CAST: variants seen among roughly 807,000 people sequenced by gnomAD.
The protein encoded by CAST is MIR583 host.
A neutral mutation model predicts 119.6 loss-of-function variants in CAST; 76 were observed. The ratio of observed to expected loss-of-function variants is 0.64; its 90% CI spans 0.53 to 0.77. CAST has a LOEUF of 0.77. Among genes scored for constraint, CAST ranks in the 30% least tolerant of loss-of-function variants. CAST has a pLI of 0.00. For synonymous variants in CAST, 319 were observed against 331.6 expected (o/e 0.96, Z 0.41); for missense variants, 953 against 946.5 (o/e 1.01, Z -0.09).
At chr5:96,634,471 C>T (rs1747860918) in intron 1 of CAST, among the ~76,000 whole-genome samples, 1 of 152,192 alleles carries the variant, frequency 6.6e-6, no homozygotes, top group Non-Finnish European at 1.5e-5. Flanking sequence ...TCTTTCTACA[C>T]TTAAACTTCA....
the CAST span, among the ~76,000 whole-genome samples, chr5:96,007,048 C>A: frequency 6.6e-6 from 1 of 152,142 alleles, no homozygotes; most frequent in East Asian, 1.9e-4. Flanking sequence ...CTTCCAGCTT[C>A]CCTCAATCAC....
At chr5:96,488,406 G>T in the CAST span, among the ~76,000 whole-genome samples, 1 of 151,978 alleles carries the variant, frequency 6.6e-6, no homozygotes, top group East Asian at 1.9e-4. Context: ...ATACATTGAT[G>T]AACCTCCTCT....
intron 1 of CAST, among the ~76,000 whole-genome samples, chr5:96,609,877 G>T (rs115996138): frequency 0.022 from 3,350 of 152,172 alleles, 130 homozygotes; most frequent in African/African-American, 0.069. Context: ...AGTCAATGCT[G>T]GAATGAGCTA....
At chr5:96,106,170 C>T in the CAST span, among the ~76,000 whole-genome samples, 1 of 152,016 alleles carries the variant, frequency 6.6e-6, no homozygotes, top group African/African-American at 2.4e-5. Context: ...TTTTGTTGAT[C>T]CTTTCAAAAA....
chr5:96,336,747 T>C, the CAST span, among the ~76,000 whole-genome samples: 7 of 152,210 alleles, frequency 4.6e-5, no homozygotes, highest in Non-Finnish European at 4.4e-5. Context: ...ACTTTGGGAA[T>C]AGAGATTTGG....
the CAST span, among the ~76,000 whole-genome samples, chr5:96,171,868 C>T: frequency 6.6e-6 from 1 of 152,246 alleles, no homozygotes; most frequent in Non-Finnish European, 1.5e-5. Context: ...GTAGATCTTT[C>T]TCACGGAGCA....
the CAST span, among the ~76,000 whole-genome samples, chr5:96,439,002 G>A: frequency 3.9e-5 from 6 of 152,178 alleles, no homozygotes; most frequent in East Asian, 3.9e-4. Context: ...CAGAGAAATC[G>A]CTTAGTTTGC....
At chr5:96,468,819 C>A in the CAST span, among the ~76,000 whole-genome samples, 2 of 152,060 alleles carry the variant, frequency 1.3e-5, no homozygotes, top group African/African-American at 4.8e-5. Context: ...TTCTGTCTGA[C>A]AACATGGAGA....
At chr5:96,427,250 C>G in the CAST span, among the ~76,000 whole-genome samples, 1 of 152,064 alleles carries the variant, frequency 6.6e-6, no homozygotes, top group Non-Finnish European at 1.5e-5. Flanking sequence ...GGCACTCTGC[C>G]GTCTGATCAG....
intron 15 of CAST, chr5:96,742,061 A>G (rs1762804647): frequency 6.2e-6 from 1 of 162,490 alleles, no homozygotes; most frequent in East Asian, 1.8e-4. Context: ...CAAACAGTCA[A>G]GATAATGCTC....
intron 1 of CAST, among the ~76,000 whole-genome samples, chr5:96,672,203 G>A (rs1428451189): frequency 6.6e-6 from 1 of 152,028 alleles, no homozygotes; most frequent in Non-Finnish European, 1.5e-5. Flanking sequence ...ATAAAGACAT[G>A]TAGTGCCCTC....
the CAST span, among the ~76,000 whole-genome samples, chr5:96,276,320 A>G: frequency 7.4e-3 from 1,134 of 152,336 alleles, 13 homozygotes; most frequent in African/African-American, 0.026. Flanking sequence ...TAGCATTATT[A>G]TATTTTATGG....
At chr5:96,704,306 G>A (rs957326684) in intron 3 of CAST, among the ~76,000 whole-genome samples, 1 of 152,160 alleles carries the variant, frequency 6.6e-6, no homozygotes, top group East Asian at 1.9e-4. Flanking sequence ...AGAATTAGTG[G>A]GGAGTTTTGG....
At chr5:96,184,920 G>T in the CAST span, among the ~76,000 whole-genome samples, 1 of 152,206 alleles carries the variant, frequency 6.6e-6, no homozygotes, top group African/African-American at 2.4e-5. Context: ...AGGTTTTTGA[G>T]GAATCACCAC....
chr5:96,185,691 C>T, the CAST span, among the ~76,000 whole-genome samples: 1 of 152,252 alleles, frequency 6.6e-6, no homozygotes, highest in Admixed American at 6.5e-5. Context: ...GTTCTCTATT[C>T]TGATCAATTG....
At chr5:96,319,322 G>C in the CAST span, among the ~76,000 whole-genome samples, 1 of 152,162 alleles carries the variant, frequency 6.6e-6, no homozygotes. Flanking sequence ...TTCAACATGA[G>C]ACTGGGAGGG....
At chr5:96,420,535 G>A in the CAST span, among the ~76,000 whole-genome samples, 1 of 152,134 alleles carries the variant, frequency 6.6e-6, no homozygotes, top group African/African-American at 2.4e-5. Context: ...ACGGAAAGAA[G>A]TCATATCCCT....
intron 1 of CAST, among the ~76,000 whole-genome samples, chr5:96,600,422 C>A (rs1363898601): frequency 6.6e-6 from 1 of 152,104 alleles, no homozygotes; most frequent in East Asian, 1.9e-4. Flanking sequence ...GACGATGGAC[C>A]AAGTATGGAC....
intron 25 of CAST, among the ~76,000 whole-genome samples, chr5:96,764,564 G>A (rs1019398738): frequency 1.1e-4 from 17 of 152,158 alleles, no homozygotes; most frequent in African/African-American, 3.1e-4. Flanking sequence ...CAGTGTGGCA[G>A]ACAAGCCCCT....
Sources: allele counts gnomAD v4.1 joint callset (sites outside exome capture counted in the v4.1 genomes callset), GRCh38; gene constraint gnomAD v4.1.1; transcripts MANE v1.5; gene names NCBI Gene and HGNC (gene_info 2026-07-23, HGNC 2026-07-21).